ADIPOR2: variants seen among roughly 807,000 people sequenced by gnomAD.
ADIPOR2 encodes adiponectin receptor protein 2.
In ADIPOR2, 18 loss-of-function variants were observed where a neutral mutation model predicts 40.9. That is an observed-to-expected ratio of 0.44 (90% CI 0.30 to 0.65). The LOEUF (loss-of-function observed/expected upper bound fraction) is 0.65, where lower values mean the gene tolerates loss of function less well. Ranked by LOEUF, ADIPOR2 falls within the 30% of genes least tolerant of loss-of-function variation. The pLI, the probability that ADIPOR2 is intolerant of heterozygous loss-of-function variation, is 0.09. For synonymous variants in ADIPOR2, 165 were observed against 166.4 expected (o/e 0.99, Z 0.06); for missense variants, 283 against 479.2 (o/e 0.59, Z 3.82).
At chr12:1,780,096 A>G (rs370711200) in intron 4 of ADIPOR2, 3 of 167,584 alleles carry the variant, frequency 1.8e-5, no homozygotes, top group East Asian at 1.7e-4. Context: ...AAGCTGGACT[A>G]TGAGGTATGT....
At chr12:1,757,119 AAG>A (rs1862149717) in intron 2 of ADIPOR2, 1 of 247,858 alleles carries the variant, frequency 4.0e-6, no homozygotes, top group Admixed American at 5.0e-5. Flanking sequence ...TCAAGCTTGA[AAG>A]AATTTCAGGC....
At chr12:1,692,815 T>C (rs897063738) in intron 1 of ADIPOR2, among the ~76,000 whole-genome samples, 4 of 152,190 alleles carry the variant, frequency 2.6e-5, no homozygotes, top group Non-Finnish European at 4.4e-5. Context: ...TGACAGATTT[T>C]AAAGCCTGCA....
intron 2 of ADIPOR2, chr12:1,760,856 C>G (rs1171288000): frequency 6.6e-6 from 1 of 152,148 alleles, no homozygotes; most frequent in Non-Finnish European, 1.5e-5. Flanking sequence ...TCTCACCTTC[C>G]TTGCCCTGTC....
intron 2 of ADIPOR2, among the ~76,000 whole-genome samples, chr12:1,765,724 C>T (rs1250555512): frequency 6.6e-6 from 1 of 151,960 alleles, no homozygotes; most frequent in East Asian, 1.9e-4. Flanking sequence ...GTGCAGTCTT[C>T]TTTTTTTTCC....
chr12:1,757,742 T>G, intron 2 of ADIPOR2: 1 of 1,255,810 alleles, frequency 8.0e-7, no homozygotes, highest in Non-Finnish European at 1.2e-6. Flanking sequence ...GTCTTGTCAA[T>G]GCTGATGACA....
At chr12:1,766,971 A>G (rs1862392867) in intron 2 of ADIPOR2, among the ~76,000 whole-genome samples, 1 of 152,218 alleles carries the variant, frequency 6.6e-6, no homozygotes, top group Admixed American at 6.5e-5. Context: ...TGCTTAAGAA[A>G]TTCAATTAAG....
At chr12:1,757,452 C>T in intron 2 of ADIPOR2, 1 of 725,296 alleles carries the variant, frequency 1.4e-6, no homozygotes, top group Non-Finnish European at 2.6e-6. Context: ...CACACCAGTT[C>T]TTCCCAGGTT....
chr12:1,696,127 T>C (rs148115612), intron 1 of ADIPOR2: 40 of 155,244 alleles, frequency 2.6e-4, no homozygotes, highest in Admixed American at 5.2e-4. Context: ...TTGCTCCTTA[T>C]CACTATTTCA....
chr12:1,707,455 A>G (rs1303833768), intron 1 of ADIPOR2, among the ~76,000 whole-genome samples: 2 of 145,308 alleles, frequency 1.4e-5, no homozygotes, highest in African/African-American at 2.6e-5. Flanking sequence ...TGTGGTTTTT[A>G]TTTACATTTT....
At chr12:1,698,643 T>G (rs1388497108) in intron 1 of ADIPOR2, among the ~76,000 whole-genome samples, 9 of 152,230 alleles carry the variant, frequency 5.9e-5, no homozygotes, top group African/African-American at 1.7e-4. Context: ...TTAATACTGC[T>G]CTTACTGATG....
chr12:1,743,996 A>T (rs1188042821), intron 1 of ADIPOR2, among the ~76,000 whole-genome samples: 1 of 152,170 alleles, frequency 6.6e-6, no homozygotes, highest in East Asian at 1.9e-4. Flanking sequence ...GTTTAGCTCA[A>T]ATTTATGTTG....
At chr12:1,771,045 C>T (rs66673051) in intron 2 of ADIPOR2, among the ~76,000 whole-genome samples, 20,356 of 152,040 alleles carry the variant, frequency 0.13, 1,528 homozygotes, top group African/African-American at 0.2. Context: ...GTCCCAGGGC[C>T]GGGTGCAGTG....
At chr12:1,702,036 C>G (rs1033371444) in intron 1 of ADIPOR2, among the ~76,000 whole-genome samples, 2 of 152,154 alleles carry the variant, frequency 1.3e-5, no homozygotes, top group South Asian at 4.1e-4. Context: ...GCAGGAGAAT[C>G]GCTTGAACCT....
Position 1,776,279 on chromosome 12 carries a change from C to T in ADIPOR2, c.292-1575C>T, listed in dbSNP as rs138137891. Among the ~76,000 whole-genome samples, 124 of 152,310 alleles carry T rather than the reference C, an allele frequency of 8.1e-4. 1 individual carries two copies. Among genetic ancestry groups the T allele is most frequent in the African/African-American group, 2.9e-3 (121 of 41,568 alleles). ...CAGGTTGTGGAGCAAAAGGAATGGG[C>T]ACAGTAGCTGGTGAGTAAGTGGCAG... On this transcript the variant is annotated intron_variant, in intron 3 of 7. Coordinates refer to ENST00000357103, the MANE Select transcript of ADIPOR2 (RefSeq NM_024551.3).
Position 1,708,739 on chromosome 12 carries a change from A to G in ADIPOR2, c.-87+17548A>G, listed in dbSNP as rs565930624. On this transcript the variant is annotated intron_variant, in intron 1 of 7. Coordinates refer to ENST00000357103, the MANE Select transcript of ADIPOR2 (RefSeq NM_024551.3). ...ATACCTATACTTTTTTTTTTTTTTGAGACAGAGTCTTGTTCTGTCATCCAG... is the reference window on the plus strand; with the variant it reads ...ATACCTATACTTTTTTTTTTTTTTGGGACAGAGTCTTGTTCTGTCATCCAG... Among the ~76,000 whole-genome samples, 124 of 144,384 alleles carry G rather than the reference A, an allele frequency of 8.6e-4. 1 individual carries two copies. Among genetic ancestry groups the G allele is most frequent in the African/African-American group, 3.0e-3 (116 of 39,260 alleles). The allele number at this position is 144,384 out of a possible 152,430, so 94.7% of individuals were successfully genotyped here.
At chr12:1,764,558 A>AACAC (rs59660682) in intron 2 of ADIPOR2, among the ~76,000 whole-genome samples, 7,476 of 118,984 alleles carry the variant, frequency 0.063, 212 homozygotes, top group African/African-American at 0.11. Flanking sequence ...TAAAGTATTA[A>AACAC]ACACACACAC....
intron 1 of ADIPOR2, among the ~76,000 whole-genome samples, chr12:1,693,096 A>T (rs2094630521): frequency 6.6e-6 from 1 of 152,210 alleles, no homozygotes; most frequent in Non-Finnish European, 1.5e-5. Context: ...TAGAGGTTGC[A>T]GTGAGCCAAG....
intron 7 of ADIPOR2, 23 bp downstream of exon 7, chr12:1,784,096 G>A (rs773584957): frequency 6.5e-7 from 1 of 1,546,674 alleles, no homozygotes; most frequent in Admixed American, 1.9e-5. Context: ...GGGTGACTGA[G>A]TGTGTAGGTA....
rs1363296421 is a variant in ADIPOR2 at position 1,754,318 on chromosome 12, A to G, written c.-26A>G. ...GAAGAGGGGACAGAAAGACAGATCTATTTGTAAGAAAGGCTTGGGTATCCC... is the reference window on the plus strand; with the variant it reads ...GAAGAGGGGACAGAAAGACAGATCTGTTTGTAAGAAAGGCTTGGGTATCCC... On this transcript the variant is annotated 5_prime_UTR_variant, in exon 2 of 8. Transcript: ENST00000357103. 19 of 1,565,196 alleles carry G rather than the reference A, an allele frequency of 1.2e-5. No homozygotes were observed. The highest frequency in any genetic ancestry group is 2.5e-5 in the South Asian group (2 of 81,030).
Sources: gnomAD v4.1 joint callset for allele counts (sites outside exome capture counted in the v4.1 genomes callset) on GRCh38, gnomAD v4.1.1 for gene constraint, MANE v1.5 for transcripts, NCBI Gene and HGNC (gene_info 2026-07-23, HGNC 2026-07-21) for gene names.